The following POU2F1 variants were observed in gnomAD, a reference collection of about 807,000 sequenced individuals.
POU2F1 encodes the protein POU domain, class 2, transcription factor 1.
In POU2F1, 16 loss-of-function variants were observed where a neutral mutation model predicts 84.9. The observed-to-expected ratio is 0.19, with a 90% confidence interval of 0.13 to 0.29. The LOEUF is 0.29. POU2F1 is among the 10% of genes least tolerant of loss of function. The pLI is 1.00. For missense variants in POU2F1, 738 were observed against 942.6 expected, an observed-to-expected ratio of 0.78 and a Z score of 2.84; for synonymous variants, 368 against 368.3, an observed-to-expected ratio of 1.00 and a Z score of 0.01.
intron 3 of POU2F1, among the ~76,000 whole-genome samples, chr1:167,366,383 A>G (rs1346364610): frequency 2.0e-5 from 3 of 152,100 alleles, no homozygotes; most frequent in African/African-American, 7.2e-5. Context: ...TCAGTGAAAA[A>G]CCCATATGTA....
At chr1:167,370,087 T>A in intron 3 of POU2F1, 74 bp from the exon 4 acceptor site, 1 of 1,305,570 alleles carries the variant, frequency 7.7e-7, no homozygotes, top group South Asian at 1.4e-5. Flanking sequence ...CATAGTAGAC[T>A]TTATTTAGTG....
chr1:167,357,226 C>T (rs1219913736), intron 2 of POU2F1, among the ~76,000 whole-genome samples: 2 of 152,114 alleles, frequency 1.3e-5, no homozygotes, highest in Non-Finnish European at 2.9e-5. Context: ...CCCTTATCTT[C>T]TTCTTAATCT....
intron 8 of POU2F1, among the ~76,000 whole-genome samples, chr1:167,384,335 A>T (rs146010666): frequency 1.3e-5 from 2 of 152,100 alleles, no homozygotes; most frequent in Non-Finnish European, 2.9e-5. Flanking sequence ...TTTGATCTCT[A>T]TATTTTCTTT....
chr1:167,311,640 G>A lies in POU2F1; in HGVS notation c.62-20830G>A, dbSNP rs116081686. ...CCTGTGTAGGCCTAGTCTAATTTGAGTCTTAGTTTTTAACAAAAAAAAATT... is the reference window on the plus strand; with the variant it reads ...CCTGTGTAGGCCTAGTCTAATTTGAATCTTAGTTTTTAACAAAAAAAAATT... On this transcript the variant is annotated intron_variant, in intron 1 of 15. Transcript: ENST00000367866. Among the ~76,000 whole-genome samples the A allele has an allele frequency of 2.9e-3, 441 of 151,858 alleles. 2 individuals carry two copies. Among genetic ancestry groups the A allele is most frequent in the African/African-American group, 0.01 (428 of 41,442 alleles).
At chr1:167,351,919 C>A (rs1446093666) in intron 2 of POU2F1, among the ~76,000 whole-genome samples, 4 of 152,044 alleles carry the variant, frequency 2.6e-5, no homozygotes, top group Non-Finnish European at 5.9e-5. Flanking sequence ...GATTTCCATT[C>A]TCATTTGTGG....
intron 1 of POU2F1, among the ~76,000 whole-genome samples, chr1:167,260,174 G>A (rs1448898320): frequency 6.6e-6 from 1 of 152,132 alleles, no homozygotes; most frequent in Non-Finnish European, 1.5e-5. Context: ...CACTGCACCC[G>A]GCTAATTGTG....
intron 2 of POU2F1, among the ~76,000 whole-genome samples, chr1:167,358,737 T>TTTTTTTTTGTTG (rs71097670): frequency 1.1e-5 from 1 of 88,774 alleles, no homozygotes; most frequent in Non-Finnish European, 2.2e-5. Context: ...TTTTTTTTTT[T>TTTTTTTTTGTTG]GAGACAGGTT....
intron 7 of POU2F1, 140 bp from the exon 8 acceptor site, chr1:167,383,717 G>A (rs1424869686): frequency 3.1e-6 from 2 of 639,746 alleles, no homozygotes; most frequent in Admixed American, 6.4e-5. Flanking sequence ...AGGCAAATAA[G>A]ATAAATAAGA....
intron 1 of POU2F1, among the ~76,000 whole-genome samples, chr1:167,319,708 G>A (rs961168849): frequency 1.3e-5 from 2 of 151,760 alleles, no homozygotes; most frequent in African/African-American, 2.4e-5. Flanking sequence ...CTCCTGATTG[G>A]CATGTAGCCC....
At chr1:167,397,730 G>T (rs548510170) in intron 10 of POU2F1, among the ~76,000 whole-genome samples, 1 of 152,236 alleles carries the variant, frequency 6.6e-6, no homozygotes, top group South Asian at 2.1e-4. Flanking sequence ...ATTTTTGGTA[G>T]AGATGGGGTT....
chr1:167,311,498 C>T (rs930927588), intron 1 of POU2F1, among the ~76,000 whole-genome samples: 1 of 152,130 alleles, frequency 6.6e-6, no homozygotes, highest in Non-Finnish European at 1.5e-5. Flanking sequence ...GAAATGTAAT[C>T]ATGTTCCATA....
At chr1:167,391,019 T>C (rs1648356771) in intron 9 of POU2F1, among the ~76,000 whole-genome samples, 1 of 152,106 alleles carries the variant, frequency 6.6e-6, no homozygotes, top group Non-Finnish European at 1.5e-5. Context: ...GTGAATATAT[T>C]TAATGGTTTA....
chr1:167,335,161 G>A (rs555583256), intron 2 of POU2F1, among the ~76,000 whole-genome samples: 9 of 152,130 alleles, frequency 5.9e-5, no homozygotes, highest in South Asian at 2.1e-4. Context: ...GTAAGTGCCC[G>A]TTCTATGTGT....
intron 5 of POU2F1, among the ~76,000 whole-genome samples, chr1:167,373,740 TC>T (rs1660152732): frequency 6.6e-6 from 1 of 152,220 alleles, no homozygotes; most frequent in African/African-American, 2.4e-5. Flanking sequence ...ATATCCAGCA[TC>T]CTTGTTCCTC....
At chr1:167,297,847 C>T (rs1042378137) in intron 1 of POU2F1, among the ~76,000 whole-genome samples, 6 of 152,084 alleles carry the variant, frequency 3.9e-5, no homozygotes, top group Admixed American at 1.3e-4. Flanking sequence ...AGGATGGACC[C>T]TAAGGAACAC....
intron 1 of POU2F1, among the ~76,000 whole-genome samples, chr1:167,247,723 A>T (rs375589519): frequency 1.1e-3 from 174 of 152,280 alleles, no homozygotes; most frequent in African/African-American, 4.2e-3. Flanking sequence ...ATATGTCTTT[A>T]TGACTTATTG....
rs376767910 is a variant in POU2F1, at chr1:167,396,270, T to C, written c.988-16T>C. The C allele has an allele frequency of 2.5e-6, 4 of 1,613,412 alleles. No individual in the cohort carries two copies. The African/African-American group carries it at 5.3e-5, about 22-fold the overall frequency. On this transcript the variant is annotated splice_polypyrimidine_tract_variant and intron_variant, in intron 9 of 15. Transcript: ENST00000367866. ...TGTCTTTCCTCTCCTCTTCTCCTGC[T>C]CTGTATTGTGTGTAGGGTGATGTTG... is the stretch of plus-strand genomic sequence containing the variant.
chr1:167,292,851 A>C (rs1447925159), intron 1 of POU2F1, among the ~76,000 whole-genome samples: 1 of 152,192 alleles, frequency 6.6e-6, no homozygotes, highest in South Asian at 2.1e-4. Flanking sequence ...ATGATTTAAC[A>C]TACACAAGTC....
chr1:167,402,279 G>C (rs1649268931), intron 13 of POU2F1, among the ~76,000 whole-genome samples: 1 of 152,064 alleles, frequency 6.6e-6, no homozygotes, highest in Non-Finnish European at 1.5e-5. Flanking sequence ...TACATCATTG[G>C]GTAGATTAAT....
Sources: allele counts gnomAD v4.1 joint callset (sites outside exome capture counted in the v4.1 genomes callset), GRCh38; gene constraint gnomAD v4.1.1; transcripts MANE v1.5; gene names NCBI Gene and HGNC (gene_info 2026-07-23, HGNC 2026-07-21).